Variants in TMPRSS15 observed in about 807,000 individuals in gnomAD.
The protein encoded by TMPRSS15 is enteropeptidase.
In TMPRSS15, 128 loss-of-function variants were observed where a neutral mutation model predicts 125.3. That is an observed-to-expected ratio of 1.02 (90% confidence interval 0.89 to 1.18). The LOEUF is 1.18. Among genes scored for constraint, TMPRSS15 ranks in the 50% most tolerant of loss-of-function variants. The probability of loss-of-function intolerance (pLI) is 0.00; values close to 1 mark genes in which losing one functional copy is unlikely to be tolerated. For missense variants in TMPRSS15, 1,283 were observed against 1,212.7 expected, an observed-to-expected ratio of 1.06 and a Z score of -0.86; for synonymous variants, 446 against 423.2, an observed-to-expected ratio of 1.05 and a Z score of -0.66.
chr21:18,366,347 T>C (rs2075737634), intron 6 of TMPRSS15, among the ~76,000 whole-genome samples: 1 of 152,218 alleles, frequency 6.6e-6, no homozygotes. Context: ...CTTTGGGAGA[T>C]AACTAGTTCA....
chr21:18,473,260 A>T (rs1568737022), intron 1 of TMPRSS15, among the ~76,000 whole-genome samples: 1 of 152,142 alleles, frequency 6.6e-6, no homozygotes, highest in Non-Finnish European at 1.5e-5. Flanking sequence ...AGGGAAAAAT[A>T]GTATGATTTA....
At chr21:18,449,683 A>C (rs1318167273) in intron 1 of TMPRSS15, among the ~76,000 whole-genome samples, 1 of 152,056 alleles carries the variant, frequency 6.6e-6, no homozygotes, top group Non-Finnish European at 1.5e-5. Flanking sequence ...ACCACATCTT[A>C]TTATTATCAT....
At chr21:18,430,461 TGG>T (rs1297804527) in intron 1 of TMPRSS15, among the ~76,000 whole-genome samples, 1 of 152,152 alleles carries the variant, frequency 6.6e-6, no homozygotes, top group Admixed American at 6.6e-5. Context: ...TTCAATTCTA[TGG>T]GGATAGATTC....
At chr21:18,451,982 T>C (rs1240336718) in intron 1 of TMPRSS15, among the ~76,000 whole-genome samples, 1 of 151,874 alleles carries the variant, frequency 6.6e-6, no homozygotes. Flanking sequence ...TTGTGATTCT[T>C]GCTTCCAGTT....
intron 23 of TMPRSS15, 68 bp downstream of exon 23, chr21:18,278,896 T>C (rs2074653193): frequency 1.2e-6 from 1 of 845,110 alleles, no homozygotes; most frequent in Middle Eastern, 3.4e-4. Context: ...TCACAGGATA[T>C]TATGACAGTC....
chr21:18,285,416 T>C (rs948775014), intron 21 of TMPRSS15, among the ~76,000 whole-genome samples: 1 of 152,182 alleles, frequency 6.6e-6, no homozygotes, highest in Non-Finnish European at 1.5e-5. Flanking sequence ...AATCCAAAAC[T>C]GTAAATTAAA....
intron 1 of TMPRSS15, among the ~76,000 whole-genome samples, chr21:18,431,994 A>C (rs1490875156): frequency 6.6e-6 from 1 of 152,178 alleles, no homozygotes; most frequent in Non-Finnish European, 1.5e-5. Context: ...TTGGGTGAAT[A>C]TTCAAGGAAT....
At chr21:18,430,366 A>T (rs1311630066) in intron 1 of TMPRSS15, among the ~76,000 whole-genome samples, 1 of 152,180 alleles carries the variant, frequency 6.6e-6, no homozygotes, top group East Asian at 1.9e-4. Flanking sequence ...TGCCTTGGGT[A>T]ATTTTATGTT....
intron 18 of TMPRSS15, among the ~76,000 whole-genome samples, chr21:18,311,098 G>A (rs2075097170): frequency 6.6e-6 from 1 of 151,970 alleles, no homozygotes. Context: ...ATGGATTAAA[G>A]AGTTAAATCT....
chr21:18,276,752 ATTCT>A (rs1369023954), intron 23 of TMPRSS15, among the ~76,000 whole-genome samples: 23 of 131,630 alleles, frequency 1.7e-4, no homozygotes, highest in Non-Finnish European at 3.2e-4. Flanking sequence ...GAAAACTGGG[ATTCT>A]TTTTTTTTTT....
chr21:18,351,003 G>T (rs1381639805), intron 10 of TMPRSS15, among the ~76,000 whole-genome samples: 5 of 152,004 alleles, frequency 3.3e-5, no homozygotes, highest in African/African-American at 1.2e-4. Flanking sequence ...AGTTGAAATA[G>T]TGTGATGAAC....
chr21:18,483,402 C>T (rs2123293508), intron 1 of TMPRSS15, among the ~76,000 whole-genome samples: 1 of 151,880 alleles, frequency 6.6e-6, no homozygotes, highest in Admixed American at 6.6e-5. Flanking sequence ...TGATTCAGCC[C>T]TTTGGTTCTA....
At chr21:18,339,771 C>A (rs1441582482) in intron 13 of TMPRSS15, among the ~76,000 whole-genome samples, 2 of 152,160 alleles carry the variant, frequency 1.3e-5, no homozygotes, top group Non-Finnish European at 2.9e-5. Flanking sequence ...TTATCATAGG[C>A]ATTTTTCTTT....
At chr21:18,476,642 A>C in intron 1 of TMPRSS15, among the ~76,000 whole-genome samples, 1 of 152,192 alleles carries the variant, frequency 6.6e-6, no homozygotes, top group African/African-American at 2.4e-5. Flanking sequence ...CCATGTAGAT[A>C]GATGGATTTC....
intron 1 of TMPRSS15, among the ~76,000 whole-genome samples, chr21:18,401,708 C>A (rs1293203740): frequency 6.6e-6 from 1 of 152,108 alleles, no homozygotes; most frequent in Admixed American, 6.6e-5. Context: ...AACAAGCCTG[C>A]ACATGTGCCC....
At position 18,278,251 on chromosome 21, in the gene TMPRSS15, CA is replaced by C. The variant is rs565096280; in HGVS notation, c.2764+712del. 1.6e-4 allele frequency among the ~76,000 whole-genome samples: 25 copies of C among 152,106 alleles called. 1 individual carries two copies. In the South Asian group the frequency reaches 5.0e-3, roughly 30 times the overall value. On this transcript the variant is annotated intron_variant, in intron 23 of 24. Coordinates refer to ENST00000284885, the MANE Select transcript of TMPRSS15 (RefSeq NM_002772.3). ...TGATGAGACTTTATCATGTGCTTTACAAAAATAAATTTTTGTAACCCTAGTT... is the reference window on the plus strand; with the variant it reads ...TGATGAGACTTTATCATGTGCTTTACAAAATAAATTTTTGTAACCCTAGTT...
chr21:18,367,609 T>G (rs1438859857), intron 6 of TMPRSS15, among the ~76,000 whole-genome samples: 2 of 152,212 alleles, frequency 1.3e-5, no homozygotes, highest in African/African-American at 4.8e-5. Context: ...TCTACTGCTA[T>G]TGTAAAGTTT....
At chr21:18,396,808 G>GTCTATCTGTCTA (rs2076043849) in intron 3 of TMPRSS15, among the ~76,000 whole-genome samples, 1 of 107,872 alleles carries the variant, frequency 9.3e-6, no homozygotes, top group Non-Finnish European at 1.8e-5. Context: ...CTGTCTGTCT[G>GTCTATCTGTCTA]TCTATCTATC....
intron 21 of TMPRSS15, among the ~76,000 whole-genome samples, chr21:18,285,864 G>A (rs1258317750): frequency 6.6e-6 from 1 of 152,188 alleles, no homozygotes; most frequent in East Asian, 1.9e-4. Context: ...ATTATAAAAG[G>A]AGGGTAGGCA....
Sources: allele counts gnomAD v4.1 joint callset (sites outside exome capture counted in the v4.1 genomes callset), GRCh38; gene constraint gnomAD v4.1.1; transcripts MANE v1.5; gene names NCBI Gene and HGNC (gene_info 2026-07-23, HGNC 2026-07-21).